The following CACNA2D3 variants were observed in gnomAD, a reference collection of about 807,000 sequenced individuals.
CACNA2D3 encodes the protein calcium voltage-gated channel auxiliary subunit alpha2delta 3, also known as voltage-dependent calcium channel subunit alpha-2/delta-3.
A neutral mutation model predicts 160.6 loss-of-function variants in CACNA2D3; 60 were observed. The observed-to-expected ratio is 0.37, with a 90% CI of 0.30 to 0.46. The LOEUF (loss-of-function observed/expected upper bound fraction) is 0.46, where lower values mean the gene tolerates loss of function less well. Among genes scored for constraint, CACNA2D3 ranks in the 20% least tolerant of loss-of-function variants. The probability of loss-of-function intolerance (pLI) is 1.00; values close to 1 mark genes in which losing one functional copy is unlikely to be tolerated. For synonymous variants in CACNA2D3, 558 were observed against 492.9 expected, an observed-to-expected ratio of 1.13 and a Z score of -1.75; for missense variants, 1,205 against 1,365.0, an observed-to-expected ratio of 0.88 and a Z score of 1.85.
intron 11 of CACNA2D3, among the ~76,000 whole-genome samples, chr3:54,661,744 A>G (rs927602297): frequency 1.3e-5 from 2 of 152,014 alleles, no homozygotes; most frequent in African/African-American, 4.8e-5. Flanking sequence ...CAATAGATTC[A>G]CCAGAGGTGG....
chr3:54,317,098 T>A (rs906867035), intron 2 of CACNA2D3, among the ~76,000 whole-genome samples: 2 of 152,204 alleles, frequency 1.3e-5, no homozygotes, highest in African/African-American at 4.8e-5. Flanking sequence ...TGAGTTTCAA[T>A]GTTGGTTTTT....
chr3:54,681,473 T>C (rs1431815993), intron 11 of CACNA2D3, among the ~76,000 whole-genome samples: 1 of 131,672 alleles, frequency 7.6e-6, no homozygotes, highest in East Asian at 2.4e-4. Flanking sequence ...AGAAAATCGC[T>C]CAAACCCAGG....
intron 2 of CACNA2D3, among the ~76,000 whole-genome samples, chr3:54,311,659 T>C (rs931182595): frequency 2.6e-5 from 4 of 152,166 alleles, no homozygotes; most frequent in South Asian, 2.1e-4. Context: ...CAAGTTTACA[T>C]AGAAATGATC....
At position 54,411,588 on chromosome 3, in the gene CACNA2D3, T is replaced by C. The variant is rs147197115; in HGVS notation, c.381+24814T>C. On this transcript the variant is annotated intron_variant, in intron 4 of 37. Coordinates refer to ENST00000474759, the MANE Select transcript of CACNA2D3 (RefSeq NM_018398.3). ...TACACACATTGATTTTTAGACATAA[T>C]GCTATTGCACACTTAATAGACTGTG... 1.6e-3 allele frequency among the ~76,000 whole-genome samples: 239 copies of C among 152,314 alleles called. 1 individual carries two copies. The highest frequency in any genetic ancestry group is 0.011 in the South Asian group (53 of 4,826).
chr3:54,809,072 T>C (rs1414521309), intron 13 of CACNA2D3, among the ~76,000 whole-genome samples: 4 of 152,024 alleles, frequency 2.6e-5, no homozygotes, highest in Non-Finnish European at 5.9e-5. Context: ...ACCTCTAGAG[T>C]TCAGAGACGC....
intron 27 of CACNA2D3, among the ~76,000 whole-genome samples, chr3:54,959,253 A>C (rs1407193478): frequency 1.3e-5 from 2 of 152,190 alleles, no homozygotes; most frequent in Non-Finnish European, 2.9e-5. Flanking sequence ...GGTGGTGTTC[A>C]GTTCACCACA....
chr3:54,738,920 G>A (rs911053285), intron 11 of CACNA2D3, among the ~76,000 whole-genome samples: 6 of 152,142 alleles, frequency 3.9e-5, no homozygotes, highest in African/African-American at 7.2e-5. Flanking sequence ...GGGCGGCCGA[G>A]GCTATCTTGA....
chr3:54,989,697 C>T (rs974981521), intron 31 of CACNA2D3, among the ~76,000 whole-genome samples: 3 of 152,188 alleles, frequency 2.0e-5, no homozygotes, highest in Admixed American at 6.5e-5. Context: ...GCATAAAGTT[C>T]TTAGCACAGA....
intron 8 of CACNA2D3, among the ~76,000 whole-genome samples, chr3:54,577,879 A>G (rs1203624202): frequency 1.3e-5 from 2 of 152,206 alleles, no homozygotes; most frequent in East Asian, 3.8e-4. Context: ...CCCTTGTGAG[A>G]ATCAGAAAAG....
chr3:54,328,430 C>T (rs779207904), intron 3 of CACNA2D3, among the ~76,000 whole-genome samples: 9 of 152,022 alleles, frequency 5.9e-5, no homozygotes, highest in East Asian at 1.9e-4. Context: ...TACAGGTGTC[C>T]GCCACCACGC....
chr3:54,807,445 C>G (rs1470481216), intron 13 of CACNA2D3, among the ~76,000 whole-genome samples: 2 of 152,150 alleles, frequency 1.3e-5, no homozygotes, highest in Non-Finnish European at 2.9e-5. Flanking sequence ...CCAAAAAACA[C>G]ATGAAAAAAT....
chr3:54,851,242 G>A (rs560520542), intron 17 of CACNA2D3, among the ~76,000 whole-genome samples: 3 of 152,304 alleles, frequency 2.0e-5, no homozygotes, highest in South Asian at 2.1e-4. Flanking sequence ...ATGTGCCTTG[G>A]AAAGGCCTAG....
At chr3:54,924,592 G>T in intron 27 of CACNA2D3, 4 of 1,535,694 alleles carry the variant, frequency 2.6e-6, no homozygotes, top group Non-Finnish European at 3.6e-6. Context: ...ACACACAGAT[G>T]GGGGGTTCCA....
chr3:54,793,388 C>T (rs1702800925), intron 13 of CACNA2D3, among the ~76,000 whole-genome samples: 2 of 152,176 alleles, frequency 1.3e-5, no homozygotes, highest in South Asian at 4.1e-4. Flanking sequence ...CAACTTCTGT[C>T]TAAATGCCCA....
chr3:54,564,827 C>A (rs1412932439), intron 6 of CACNA2D3, among the ~76,000 whole-genome samples: 1 of 152,160 alleles, frequency 6.6e-6, no homozygotes, highest in East Asian at 1.9e-4. Context: ...AAACACAATT[C>A]CAGCTAGCTC....
At chr3:54,910,176 GGTA>G (rs1237233178) in intron 27 of CACNA2D3, among the ~76,000 whole-genome samples, 1 of 152,122 alleles carries the variant, frequency 6.6e-6, no homozygotes, top group Non-Finnish European at 1.5e-5. Flanking sequence ...TCAGGCAGAT[GGTA>G]GTAGGTAATT....
chr3:54,271,221 A>G (rs1702616138), intron 2 of CACNA2D3, among the ~76,000 whole-genome samples: 1 of 152,144 alleles, frequency 6.6e-6, no homozygotes, highest in African/African-American at 2.4e-5. Flanking sequence ...TCTTGGGGTC[A>G]TACTGTTTTT....
intron 31 of CACNA2D3, among the ~76,000 whole-genome samples, chr3:54,992,687 G>T (rs1460587742): frequency 6.6e-6 from 1 of 151,858 alleles, no homozygotes; most frequent in East Asian, 1.9e-4. Flanking sequence ...CCTCCCCTTA[G>T]GGTGTGATGG....
chr3:55,004,925 A>G (rs1219556819), intron 32 of CACNA2D3, 87 bp downstream of exon 32: 8 of 924,498 alleles, frequency 8.7e-6, no homozygotes, highest in Non-Finnish European at 1.4e-5. Context: ...TGGAGTAATC[A>G]AGTTTATCTT....
Sources: allele counts gnomAD v4.1 joint callset (sites outside exome capture counted in the v4.1 genomes callset), GRCh38; gene constraint gnomAD v4.1.1; transcripts MANE v1.5; gene names NCBI Gene and HGNC (gene_info 2026-07-23, HGNC 2026-07-21).